PPIL4: variants seen among roughly 807,000 people sequenced by gnomAD.
PPIL4 encodes the protein peptidylprolyl isomerase like 4.
In PPIL4, 50 loss-of-function variants were observed where a neutral mutation model predicts 69.1. The ratio of observed to expected loss-of-function variants is 0.72; its 90% confidence interval spans 0.58 to 0.92. PPIL4 has a LOEUF of 0.92. Ranked by LOEUF, PPIL4 falls within the 40% of genes least tolerant of loss-of-function variation. The pLI, the probability that PPIL4 is intolerant of heterozygous loss-of-function variation, is 0.00. For synonymous variants in PPIL4, 193 were observed against 191.6 expected (o/e 1.01, Z -0.06); for missense variants, 480 against 587.9 (o/e 0.82, Z 1.90).
chr6:149,510,220 G>A (rs1583202776), intron 12 of PPIL4, among the ~76,000 whole-genome samples: 2 of 152,100 alleles, frequency 1.3e-5, no homozygotes, highest in East Asian at 3.9e-4. Flanking sequence ...ATAGCAAAGA[G>A]CTAACTACAT....
chr6:149,535,803 C>A, intron 4 of PPIL4, 65 bp from the exon 5 acceptor site: 2 of 1,142,224 alleles, frequency 1.8e-6, no homozygotes, highest in Non-Finnish European at 1.2e-6. Context: ...AAATCAGTTA[C>A]AGACTGACAA....
intron 7 of PPIL4, among the ~76,000 whole-genome samples, chr6:149,528,648 G>A (rs946639372): frequency 2.6e-5 from 4 of 152,198 alleles, no homozygotes; most frequent in African/African-American, 9.7e-5. Context: ...TGAGGCAAAA[G>A]AAACCCTCAT....
chr6:149,520,405 A>C (rs1228431417), intron 10 of PPIL4, among the ~76,000 whole-genome samples: 1 of 152,128 alleles, frequency 6.6e-6, no homozygotes, highest in Non-Finnish European at 1.5e-5. Context: ...CAAACAAAAA[A>C]AATTTAAGTT....
In PPIL4 at chr6:149,527,273, G is replaced by A. The variant is rs576399649; in HGVS notation, c.679-497C>T. 3.3e-5 allele frequency among the ~76,000 whole-genome samples: 5 copies of A among 152,286 alleles called. No homozygotes were observed. In the East Asian group the frequency reaches 7.7e-4, roughly 24 times the overall value. ...CTCGGGACACTGAGGCAGTAGAATCGCTTGAACCCAGGAGGCGGAGGTTGC... is the reference window on the plus strand; with the variant it reads ...CTCGGGACACTGAGGCAGTAGAATCACTTGAACCCAGGAGGCGGAGGTTGC... On this transcript the variant is annotated intron_variant, in intron 7 of 12. Transcript: ENST00000253329.
chr6:149,541,086 G>GTT (rs753627381), intron 3 of PPIL4, 27 bp from the exon 4 acceptor site: 2 of 1,303,708 alleles, frequency 1.5e-6, no homozygotes, highest in Non-Finnish European at 2.2e-6. Flanking sequence ...GGTTATAAAT[G>GTT]TAAGTACTCT....
At chr6:149,543,637 C>G (rs1019449169) in intron 1 of PPIL4, among the ~76,000 whole-genome samples, 1 of 151,804 alleles carries the variant, frequency 6.6e-6, no homozygotes, top group Admixed American at 6.6e-5. Flanking sequence ...TTTTCCCTGT[C>G]AAGTTTTTTT....
chr6:149,505,179 ATACT>A lies in PPIL4; in HGVS notation c.*270_*273del, dbSNP rs1443193510. 3.2e-6 allele frequency: 1 copy of A among 310,888 alleles called. No homozygotes were observed. The highest frequency in any genetic ancestry group is 6.9e-5 in the East Asian group (1 of 14,598). The allele number at this position is 310,888 out of a possible 1,614,324, so 19.3% of individuals were successfully genotyped here. A position where few individuals can be genotyped will look rare whatever the true frequency, so the allele number is the denominator to read the frequency against. On this transcript the variant is annotated 3_prime_UTR_variant, in exon 13 of 13. Coordinates refer to ENST00000253329, the MANE Select transcript of PPIL4 (RefSeq NM_139126.4). ...CGTTTATGTATTTTTGTAGTATGAA[ATACT>A]TCATTAAAAAAAGAGTGAAAATGTA... is the stretch of plus-strand genomic sequence containing the variant.
intron 4 of PPIL4, among the ~76,000 whole-genome samples, chr6:149,537,270 T>C (rs1777292546): frequency 6.6e-6 from 1 of 152,196 alleles, no homozygotes; most frequent in Non-Finnish European, 1.5e-5. Context: ...CTTAGGACTT[T>C]CACAGCTAGA....
chr6:149,529,569 T>C (rs1394596785), intron 7 of PPIL4, among the ~76,000 whole-genome samples: 2 of 151,704 alleles, frequency 1.3e-5, no homozygotes, highest in African/African-American at 4.8e-5. Context: ...AAGACCATCC[T>C]GGCTAACACG....
chr6:149,533,631 C>T (rs1476109756), intron 6 of PPIL4, 57 bp from the exon 7 acceptor site: 5 of 927,604 alleles, frequency 5.4e-6, no homozygotes, highest in Non-Finnish European at 8.3e-6. Context: ...ATCTGAGAAA[C>T]ATAGAAGACA....
chr6:149,532,436 G>T (rs1777213150), intron 7 of PPIL4, among the ~76,000 whole-genome samples: 1 of 152,172 alleles, frequency 6.6e-6, no homozygotes, highest in South Asian at 2.1e-4. Flanking sequence ...TCTTTCAAGT[G>T]TAGTAATTCT....
chr6:149,517,467 GA>G lies in PPIL4; in HGVS notation c.983-18del, dbSNP rs144110636. The stretch of plus-strand genomic sequence containing the variant: ...ATTTCCCACCTATTTATTAAGAAAA[GA>G]AAAAAAGAGCTTAGTAAAAAAACCA... On this transcript the variant is annotated intron_variant, in intron 10 of 12. Coordinates refer to ENST00000253329, the MANE Select transcript of PPIL4 (RefSeq NM_139126.4). 7 of 1,318,856 alleles carry G rather than the reference GA, an allele frequency of 5.3e-6. No homozygotes were observed. Among genetic ancestry groups the G allele is most frequent in the East Asian group, 2.4e-5 (1 of 41,488 alleles). 81.7% of individuals were successfully genotyped at this position (1,318,856 alleles called of 1,614,324 possible).
chr6:149,521,902 C>G (rs1002989434), intron 9 of PPIL4, among the ~76,000 whole-genome samples: 1 of 152,200 alleles, frequency 6.6e-6, no homozygotes, highest in Non-Finnish European at 1.5e-5. Context: ...CTGTTTCTGA[C>G]ACTGACAGTT....
chr6:149,523,264 G>A (rs1222393547), intron 9 of PPIL4, among the ~76,000 whole-genome samples: 1 of 151,794 alleles, frequency 6.6e-6, no homozygotes, highest in African/African-American at 2.4e-5. Context: ...TCCAGCCTGG[G>A]CAACACAGAG....
chr6:149,517,316 T>A (rs1250784932), intron 11 of PPIL4, 38 bp downstream of exon 11: 2 of 1,093,672 alleles, frequency 1.8e-6, no homozygotes, highest in South Asian at 2.5e-5. Context: ...TAGCAGATGG[T>A]CAATACATAT....
intron 11 of PPIL4, among the ~76,000 whole-genome samples, chr6:149,514,765 A>AGTGTGT (rs36117544): frequency 1.3e-4 from 19 of 149,456 alleles, no homozygotes; most frequent in African/African-American, 2.2e-4. Context: ...TTTTGGTTCA[A>AGTGTGT]GTGTGTGTGT....
rs200357689 is a variant in PPIL4, at chr6:149,538,850, C to CT, written c.321+2091dup. Among the ~76,000 whole-genome samples, 484 of 145,124 alleles carry CT rather than the reference C, an allele frequency of 3.3e-3. 3 individuals are homozygous for CT. The highest frequency in any genetic ancestry group is 8.0e-3 in the African/African-American group (321 of 40,018). ...ATGAGCAAACAAAGTGGTTTTCTTC[C>CT]TTTTTTTTTTTTGTTTGAGACAGTC... On this transcript the variant is annotated intron_variant, in intron 4 of 12. Transcript: ENST00000253329.
In PPIL4 at chr6:149,521,137, T is replaced by C; in HGVS notation, c.905A>G (p.Asp302Gly). Residue 302 changes from aspartate to glycine, a missense_variant, in exon 10 of 13, where the codon GAC (aspartate) becomes GGC (glycine). By Grantham distance (94) the Asp-to-Gly change is moderately conservative. Coordinates refer to ENST00000253329, the MANE Select transcript of PPIL4 (RefSeq NM_139126.4). ...TCTTCTGTCATCTATAAGCACATTG[T>C]CCATTTTGAAGAATGCTTTCTCACA... ...EDCEKAFFKMDNVLIDDRRIH... is the reference protein window; with the variant it reads ...EDCEKAFFKMGNVLIDDRRIH... The C allele has an allele frequency of 6.2e-7, 1 of 1,603,322 alleles. No individual in the cohort carries two copies. The highest frequency in any genetic ancestry group is 8.5e-7 in the Non-Finnish European group (1 of 1,173,360).
intron 5 of PPIL4, among the ~76,000 whole-genome samples, chr6:149,535,229 G>C (rs568509824): frequency 2.0e-4 from 30 of 152,238 alleles, no homozygotes; most frequent in Non-Finnish European, 4.0e-4. Context: ...GGTGGCGGGC[G>C]CCTGTAGTCC....
Sources: gnomAD v4.1 joint callset for allele counts (sites outside exome capture counted in the v4.1 genomes callset) on GRCh38, gnomAD v4.1.1 for gene constraint, MANE v1.5 for transcripts, NCBI Gene and HGNC (gene_info 2026-07-23, HGNC 2026-07-21) for gene names.